CHST9: variants seen among roughly 807,000 people sequenced by gnomAD.
The protein encoded by CHST9 is carbohydrate sulfotransferase 9.
Under a neutral mutation model 44.4 loss-of-function variants are expected in CHST9, and 41 were observed. The ratio of observed to expected loss-of-function variants is 0.92; its 90% CI spans 0.72 to 1.20. The LOEUF (loss-of-function observed/expected upper bound fraction) is 1.20. Among genes scored for constraint, CHST9 ranks in the 50% most tolerant of loss-of-function variants. CHST9 has a pLI of 0.00. For missense variants in CHST9, 504 were observed against 516.5 expected (o/e 0.98, Z 0.23); for synonymous variants, 171 against 178.4 (o/e 0.96, Z 0.33).
chr18:27,155,172 G>T (rs141478842), intron 1 of CHST9, among the ~76,000 whole-genome samples: 245 of 151,454 alleles, frequency 1.6e-3, no homozygotes, highest in African/African-American at 5.6e-3. Context: ...ACCATAAAAG[G>T]CTGCTGCAAA....
intron 4 of CHST9, among the ~76,000 whole-genome samples, chr18:26,969,366 C>CTGTGTGTGTGTGTG (rs1247934551): frequency 1.3e-4 from 13 of 99,400 alleles, no homozygotes; most frequent in African/African-American, 8.0e-4. Flanking sequence ...TTGATTCTCT[C>CTGTGTGTGTGTGTG]TCTCTCTCTC....
intron 3 of CHST9, among the ~76,000 whole-genome samples, chr18:27,039,574 A>C (rs1319995741): frequency 6.6e-6 from 1 of 152,142 alleles, no homozygotes; most frequent in East Asian, 1.9e-4. Flanking sequence ...ATTTCTGTGA[A>C]TGGGTGGTGG....
At chr18:26,971,690 C>T (rs1281132926) in intron 4 of CHST9, among the ~76,000 whole-genome samples, 1 of 152,218 alleles carries the variant, frequency 6.6e-6, no homozygotes, top group African/African-American at 2.4e-5. Context: ...CTGCCCGCAG[C>T]AGCAGCACGC....
At chr18:26,985,360 C>A (rs2056742054) in intron 4 of CHST9, among the ~76,000 whole-genome samples, 2 of 152,154 alleles carry the variant, frequency 1.3e-5, no homozygotes, top group Admixed American at 1.3e-4. Flanking sequence ...CAAAACCAAC[C>A]AACCAAACAA....
chr18:27,115,567 T>A (rs895336838), intron 2 of CHST9, among the ~76,000 whole-genome samples: 6 of 152,148 alleles, frequency 3.9e-5, no homozygotes, highest in Non-Finnish European at 8.8e-5. Flanking sequence ...CAGGCTGGAG[T>A]GCAGTGACAC....
chr18:27,000,974 A>G (rs999372356), intron 4 of CHST9, among the ~76,000 whole-genome samples: 1 of 152,186 alleles, frequency 6.6e-6, no homozygotes, highest in African/African-American at 2.4e-5. Context: ...TCCCTAGTAG[A>G]TGATCTTGCA....
At chr18:26,993,539 C>T (rs146062491) in intron 4 of CHST9, among the ~76,000 whole-genome samples, 216 of 152,128 alleles carry the variant, frequency 1.4e-3, no homozygotes, top group East Asian at 0.011. Flanking sequence ...TACTAAGACA[C>T]TGTAAAGGCA....
chr18:26,981,015 T>C (rs528540896), intron 4 of CHST9, among the ~76,000 whole-genome samples: 3 of 152,328 alleles, frequency 2.0e-5, no homozygotes, highest in East Asian at 1.9e-4. Context: ...TCATTAAATA[T>C]GTAAGGAGAG....
intron 2 of CHST9, among the ~76,000 whole-genome samples, chr18:27,063,922 T>C (rs1264733689): frequency 6.6e-6 from 1 of 152,154 alleles, no homozygotes; most frequent in Admixed American, 6.6e-5. Context: ...TTTGTAGTAT[T>C]GTGTTCCATC....
intron 2 of CHST9, among the ~76,000 whole-genome samples, chr18:27,118,670 C>G (rs541072226): frequency 6.6e-6 from 1 of 152,334 alleles, no homozygotes; most frequent in African/African-American, 2.4e-5. Context: ...AGAAGGCATC[C>G]CATGGTGCCC....
chr18:27,101,433 T>C (rs918139209), intron 2 of CHST9, among the ~76,000 whole-genome samples: 1 of 124,050 alleles, frequency 8.1e-6, no homozygotes, highest in African/African-American at 3.0e-5. Flanking sequence ...CTACTAAAAA[T>C]ACAAAAAAAA....
At position 26,907,399 on chromosome 18, in the gene CHST9, G is replaced by A. The variant is rs562219668; in HGVS notation, c.*8860C>T. ...GTCATGTTGAGTTGGAAGCTCCAGT[G>A]AGACATCTAGATGAAGCAGTCCCAC... On this transcript the variant is annotated 3_prime_UTR_variant, in exon 6 of 6. Transcript: ENST00000618847. 747 of 152,414 alleles carry A rather than the reference G, an allele frequency of 4.9e-3. 2 individuals are homozygous for A. Among genetic ancestry groups the A allele is most frequent in the Non-Finnish European group, 7.2e-3 (492 of 68,046 alleles). 9.4% of individuals were successfully genotyped at this position (152,414 alleles called of 1,614,324 possible).
intron 4 of CHST9, among the ~76,000 whole-genome samples, chr18:27,009,434 G>T (rs2057056794): frequency 6.6e-6 from 1 of 152,158 alleles, no homozygotes; most frequent in Non-Finnish European, 1.5e-5. Flanking sequence ...TGAATTCGTT[G>T]TTCATGATCC....
chr18:27,002,361 A>G (rs1222676071), intron 4 of CHST9, among the ~76,000 whole-genome samples: 2 of 152,148 alleles, frequency 1.3e-5, no homozygotes, highest in Non-Finnish European at 1.5e-5. Flanking sequence ...ATTCCTAGAA[A>G]CCAGGAAGTA....
At chr18:26,984,396 G>T (rs1293679885) in intron 4 of CHST9, among the ~76,000 whole-genome samples, 1 of 152,102 alleles carries the variant, frequency 6.6e-6, no homozygotes, top group Non-Finnish European at 1.5e-5. Flanking sequence ...ACTGGAGATT[G>T]GTAAATGATA....
At chr18:26,992,509 G>A (rs946986028) in intron 4 of CHST9, among the ~76,000 whole-genome samples, 9 of 152,162 alleles carry the variant, frequency 5.9e-5, no homozygotes, top group African/African-American at 2.2e-4. Flanking sequence ...ACAGATTAGA[G>A]TGTGAAAAAA....
At chr18:27,071,290 C>T (rs1429790741) in intron 2 of CHST9, among the ~76,000 whole-genome samples, 2 of 152,216 alleles carry the variant, frequency 1.3e-5, no homozygotes, top group Non-Finnish European at 2.9e-5. Flanking sequence ...TTCATTCACT[C>T]TTCAGGGCAC....
At chr18:27,163,086 C>T (rs992762140) in intron 1 of CHST9, among the ~76,000 whole-genome samples, 1 of 152,182 alleles carries the variant, frequency 6.6e-6, no homozygotes, top group Non-Finnish European at 1.5e-5. Context: ...ACTCCAGACA[C>T]TTGTTTGCCT....
intron 2 of CHST9, among the ~76,000 whole-genome samples, chr18:27,139,132 T>C (rs2058542271): frequency 6.6e-6 from 1 of 152,158 alleles, no homozygotes; most frequent in African/African-American, 2.4e-5. Flanking sequence ...TAAAGTATTT[T>C]ATTTTAATAC....
Sources: gnomAD v4.1 joint callset for allele counts (sites outside exome capture counted in the v4.1 genomes callset) on GRCh38, gnomAD v4.1.1 for gene constraint, MANE v1.5 for transcripts, NCBI Gene and HGNC (gene_info 2026-07-23, HGNC 2026-07-21) for gene names.